ANKS3: variants seen among roughly 807,000 people sequenced by gnomAD.
The protein encoded by ANKS3 is ankyrin repeat and sterile alpha motif domain containing 3.
In ANKS3, 62 loss-of-function variants were observed where a neutral mutation model predicts 80.7. The observed-to-expected ratio is 0.77, with a 90% confidence interval of 0.63 to 0.95. The LOEUF is 0.95. Ranked by LOEUF, ANKS3 falls within the 40% of genes least tolerant of loss-of-function variation. The probability of loss-of-function intolerance (pLI) is 0.00; values close to 1 mark genes in which losing one functional copy is unlikely to be tolerated. For synonymous variants in ANKS3, 489 were observed against 355.3 expected (o/e 1.38, Z -4.23); for missense variants, 1,150 against 883.6 (o/e 1.30, Z -3.82).
At chr16:4,724,726 A>G in intron 6 of ANKS3, 24 bp downstream of exon 6, 2 of 1,604,912 alleles carry the variant, frequency 1.2e-6, no homozygotes, top group Non-Finnish European at 1.7e-6. Context: ...ACTACATTAC[A>G]TGCTAATAAT....
chr16:4,712,044 T>C (rs1050209367), intron 7 of ANKS3, among the ~76,000 whole-genome samples: 1 of 152,172 alleles, frequency 6.6e-6, no homozygotes, highest in Non-Finnish European at 1.5e-5. Context: ...TAAACACTGA[T>C]ACCCATACCT....
In ANKS3 at chr16:4,701,679, C is replaced by T. The variant is rs181909040; in HGVS notation, c.1010-136G>A. ...GTTGCTTCCTTATATTTCAAACTTC[C>T]TGCCTGTCCTAAACCCTCCCCTCTA... On this transcript the variant is annotated intron_variant, in intron 9 of 17. Transcript: ENST00000304283. The T allele has an allele frequency of 7.3e-4, 513 of 704,244 alleles. 3 individuals carry two copies. The African/African-American group carries it at 8.0e-3, about 11-fold the overall frequency. The allele number at this position is 704,244 out of a possible 1,614,324, so 43.6% of individuals were successfully genotyped here. A position where few individuals can be genotyped will look rare whatever the true frequency, so the allele number is the denominator to read the frequency against.
chr16:4,703,186 C>T (rs538127011), intron 8 of ANKS3, among the ~76,000 whole-genome samples: 2 of 152,304 alleles, frequency 1.3e-5, no homozygotes, highest in Admixed American at 1.3e-4. Context: ...CATCATGGGT[C>T]ACTACAGCCT....
chr16:4,715,810 T>C (rs1228659953), intron 6 of ANKS3, among the ~76,000 whole-genome samples: 1 of 152,176 alleles, frequency 6.6e-6, no homozygotes, highest in Non-Finnish European at 1.5e-5. Flanking sequence ...TTGCTTTTTT[T>C]TTTTTAATAG....
chr16:4,701,671 C>T (rs1005259624), intron 9 of ANKS3, 128 bp from the exon 10 acceptor site: 5 of 750,420 alleles, frequency 6.7e-6, no homozygotes, highest in Non-Finnish European at 1.1e-5. Flanking sequence ...CCTTATATTT[C>T]AAACTTCCTG....
intron 7 of ANKS3, among the ~76,000 whole-genome samples, chr16:4,711,229 G>A (rs190776025): frequency 9.5e-4 from 141 of 148,240 alleles, no homozygotes; most frequent in African/African-American, 3.3e-3. Flanking sequence ...TCAGCCTCCC[G>A]AGTAGCTGGG....
intron 6 of ANKS3, among the ~76,000 whole-genome samples, chr16:4,714,474 C>T: frequency 6.6e-6 from 1 of 152,214 alleles, no homozygotes; most frequent in Non-Finnish European, 1.5e-5. Context: ...TGCGGAGATC[C>T]CAGCCTTCAC....
intron 15 of ANKS3, among the ~76,000 whole-genome samples, 181 bp from the exon 16 acceptor site, chr16:4,697,597 C>A (rs573976355): frequency 6.6e-6 from 1 of 151,768 alleles, no homozygotes; most frequent in Non-Finnish European, 1.5e-5. Context: ...CTTCCTCCCA[C>A]AGGCTGAGCA....
intron 2 of ANKS3, among the ~76,000 whole-genome samples, chr16:4,730,867 A>AC (rs908716371): frequency 9.2e-5 from 14 of 152,132 alleles, no homozygotes; most frequent in South Asian, 2.1e-4. Context: ...ACAAAACAAA[A>AC]AAAAAAAACA....
chr16:4,733,517 C>A (rs1449185854), intron 1 of ANKS3, among the ~76,000 whole-genome samples: 5 of 152,050 alleles, frequency 3.3e-5, no homozygotes, highest in African/African-American at 1.2e-4. Context: ...GTCTCAAATC[C>A]TTGACTTCAG....
chr16:4,713,174 G>C (rs1294250755), intron 7 of ANKS3, among the ~76,000 whole-genome samples: 1 of 152,086 alleles, frequency 6.6e-6, no homozygotes, highest in African/African-American at 2.4e-5. Flanking sequence ...GGGAGGCTGA[G>C]GCAAAATTGC....
chr16:4,726,085 C>G (rs775415579), intron 5 of ANKS3, among the ~76,000 whole-genome samples: 9 of 151,784 alleles, frequency 5.9e-5, no homozygotes, highest in Admixed American at 1.3e-4. Context: ...ACACCATTCT[C>G]TTGCCTCAGC....
intron 6 of ANKS3, among the ~76,000 whole-genome samples, chr16:4,721,779 C>T (rs551523791): frequency 6.6e-6 from 1 of 151,174 alleles, no homozygotes; most frequent in South Asian, 2.1e-4. Flanking sequence ...GCTGGGATTA[C>T]AGCGTCAGCC....
At position 4,726,539 on chromosome 16, in the gene ANKS3, G is replaced by C. The variant is rs73504497; in HGVS notation, c.491+120C>G. The C allele has an allele frequency of 4.7e-3, 5,004 of 1,057,200 alleles. 182 individuals are homozygous for C. The African/African-American group carries it at 0.072, about 15-fold the overall frequency. 65.5% of individuals were successfully genotyped at this position (1,057,200 alleles called of 1,614,324 possible). ...GGACTCTGGTCCTACCCCTCATCTTGAGCCTCTCGTGCCGAAGCAGGGTGG... is the reference window on the plus strand; with the variant it reads ...GGACTCTGGTCCTACCCCTCATCTTCAGCCTCTCGTGCCGAAGCAGGGTGG... On this transcript the variant is annotated intron_variant, in intron 5 of 17. Transcript: ENST00000304283.
intron 6 of ANKS3, among the ~76,000 whole-genome samples, chr16:4,714,972 C>A (rs1010701526): frequency 9.5e-6 from 1 of 105,092 alleles, no homozygotes. Context: ...AGCCTGAAGA[C>A]AGAGTGAGAC....
At chr16:4,704,507 C>G (rs1184773802) in intron 8 of ANKS3, among the ~76,000 whole-genome samples, 1 of 152,122 alleles carries the variant, frequency 6.6e-6, no homozygotes, top group Non-Finnish European at 1.5e-5. Context: ...AAAAAGAAAC[C>G]CCAGCACTCC....
intron 6 of ANKS3, among the ~76,000 whole-genome samples, chr16:4,714,797 T>C (rs1017339759): frequency 6.7e-6 from 1 of 150,216 alleles, no homozygotes; most frequent in African/African-American, 2.5e-5. Flanking sequence ...ATTGAGACCA[T>C]CCTGGCCAAC....
intron 11 of ANKS3, chr16:4,699,830 G>T (rs1425257511): frequency 2.0e-5 from 3 of 151,354 alleles, no homozygotes; most frequent in African/African-American, 7.3e-5. Flanking sequence ...CAATTCTGCT[G>T]TGAGCTCGTC....
At position 4,707,703 on chromosome 16, in the gene ANKS3, G is replaced by A. The variant is rs188673071; in HGVS notation, c.710-2450C>T. Among the ~76,000 whole-genome samples, 353 of 152,312 alleles carry A rather than the reference G, an allele frequency of 2.3e-3. 1 individual carries two copies. Among genetic ancestry groups the A allele is most frequent in the African/African-American group, 7.9e-3 (329 of 41,566 alleles). On this transcript the variant is annotated intron_variant, in intron 7 of 17. Transcript: ENST00000304283. ...CAGAAACACGCTAATAGGTAATTTT[G>A]TAGAAAATGAACTAAGAGTACATAA... is the stretch of plus-strand genomic sequence containing the variant.
Sources: gnomAD v4.1 joint callset for allele counts (sites outside exome capture counted in the v4.1 genomes callset) on GRCh38, gnomAD v4.1.1 for gene constraint, MANE v1.5 for transcripts, NCBI Gene and HGNC (gene_info 2026-07-23, HGNC 2026-07-21) for gene names.